HOXD11: variants seen among roughly 807,000 people sequenced by gnomAD.
HOXD11 encodes the protein homeobox D11, also known as homeobox protein Hox-D11.
HOXD11 carries 16 observed loss-of-function variants against 23.1 expected under a neutral mutation model. The observed-to-expected ratio is 0.69, with a 90% CI of 0.47 to 1.05. The LOEUF (loss-of-function observed/expected upper bound fraction) is 1.05. Ranked by LOEUF, HOXD11 falls within the 50% of genes least tolerant of loss-of-function variation. HOXD11 has a pLI of 0.00. For synonymous variants in HOXD11, 262 were observed against 224.4 expected, an observed-to-expected ratio of 1.17 and a Z score of -1.50; for missense variants, 564 against 495.6, an observed-to-expected ratio of 1.14 and a Z score of -1.31.
chr2:176,114,874 C>T, the HOXD11 span, among the ~76,000 whole-genome samples: 1 of 152,258 alleles, frequency 6.6e-6, no homozygotes, highest in Non-Finnish European at 1.5e-5. Context: ...CAGATGCCCT[C>T]CCGGACTGAG....
rs1689603041 is a variant in HOXD11 at position 176,107,738 on chromosome 2, A to G, written c.383A>G (p.Glu128Gly). 8.4e-7 allele frequency: 1 copy of G among 1,184,316 alleles called. No homozygotes were observed. Among genetic ancestry groups the G allele is most frequent in the Non-Finnish European group, 1.0e-6 (1 of 961,994 alleles). The allele number at this position is 1,184,316 out of a possible 1,614,324, so 73.4% of individuals were successfully genotyped here. A position where few individuals can be genotyped will look rare whatever the true frequency, so the allele number is the denominator to read the frequency against. ...AAAEEAAMQRELLPPAGRRPD... is the reference protein window; with the variant it reads ...AAAEEAAMQRGLLPPAGRRPD... ...GCCGAGGAGGCGGCCATGCAACGCG[A>G]GCTTCTCCCGCCCGCGGGCCGCCGG... Residue 128 changes from glutamate to glycine, a missense_variant, in exon 1 of 2, where the codon GAG becomes GGG. Glu to Gly is a moderately conservative substitution (Grantham distance 98). Coordinates refer to ENST00000249504, the MANE Select transcript of HOXD11 (RefSeq NM_021192.3).
downstream of HOXD11, among the ~76,000 whole-genome samples, chr2:176,114,158 G>A (rs1477663663): frequency 6.6e-6 from 1 of 152,232 alleles, no homozygotes; most frequent in Non-Finnish European, 1.5e-5. Context: ...TAGTGTCAGG[G>A]CGCCTGCGGC....
chr2:176,114,684 G>GT (rs2105392041), downstream of HOXD11, among the ~76,000 whole-genome samples: 1 of 152,220 alleles, frequency 6.6e-6, no homozygotes, highest in South Asian at 2.1e-4. Context: ...TTTGGGAAAG[G>GT]TTTTTGTAAA....
rs1689608099 is a variant in HOXD11, at chr2:176,107,949, A to G, written c.594A>G (p.Pro198=). The G allele has an allele frequency of 7.1e-6, 10 of 1,401,308 alleles. No individual in the cohort carries two copies. The highest frequency in any genetic ancestry group is 9.2e-6 in the Non-Finnish European group (10 of 1,081,814). 86.8% of individuals were successfully genotyped at this position (1,401,308 alleles called of 1,614,324 possible). ...TCGCCGGGCCGCAGCCCCCGCCGCC[A>G]CCCGCGCCGCCACAGCCCGAGGGCG... ...PPFAGPQPPP[P]PAPPQPEGAA... The change falls in exon 1 of 2, where the codon CCA becomes CCG. Residue 198 remains proline, a synonymous_variant. Coordinates refer to ENST00000249504, the MANE Select transcript of HOXD11 (RefSeq NM_021192.3).
downstream of HOXD11, among the ~76,000 whole-genome samples, chr2:176,114,703 C>G (rs538568398): frequency 6.6e-6 from 1 of 152,140 alleles, no homozygotes; most frequent in Admixed American, 6.5e-5. Context: ...AAGGAGCGGG[C>G]GGGCTACTAG....
downstream of HOXD11, among the ~76,000 whole-genome samples, chr2:176,110,365 G>C (rs942057462): frequency 3.9e-5 from 6 of 152,192 alleles, no homozygotes; most frequent in African/African-American, 1.4e-4. Flanking sequence ...TACACCTTCT[G>C]GTGGGCCCAA....
chr2:176,112,670 G>A (rs1384475131), downstream of HOXD11, among the ~76,000 whole-genome samples: 1 of 152,236 alleles, frequency 6.6e-6, no homozygotes, highest in African/African-American at 2.4e-5. Flanking sequence ...AGGCTGAACG[G>A]GGTCCTCGGT....
Position 176,107,776 on chromosome 2 carries a change from T to G in HOXD11, c.421T>G (p.Phe141Val), listed in dbSNP as rs1689603578. The G allele has an allele frequency of 7.6e-7, 1 of 1,307,698 alleles. No individual in the cohort carries two copies. The highest frequency in any genetic ancestry group is 3.4e-5 in the East Asian group (1 of 29,520). 81.0% of individuals were successfully genotyped at this position (1,307,698 alleles called of 1,614,324 possible). The change falls in exon 1 of 2, where the codon TTC (phenylalanine) becomes GTC (valine). Residue 141 changes from phenylalanine (F) to valine (V), a missense_variant. Transcript: ENST00000249504. ...PPAGRRPDVL[F>V]KAPEPVCAAP... ...CGCGGGCCGCCGGCCGGACGTGCTC[T>G]TCAAGGCGCCTGAGCCGGTGTGCGC...
At chr2:176,108,659 C>CTGTGTGTGTGTGTG (rs56323681) in intron 1 of HOXD11, 321 of 326,026 alleles carry the variant, frequency 9.8e-4, no homozygotes, top group African/African-American at 2.0e-3. Flanking sequence ...GTGCCAGGCT[C>CTGTGTGTGTGTGTG]TGTGTGTGTG....
At chr2:176,108,186 G>GC (rs928647502) in intron 1 of HOXD11, 50 bp downstream of exon 1, 5 of 692,068 alleles carry the variant, frequency 7.2e-6, no homozygotes, top group Admixed American at 9.4e-5. Context: ...CGCGGGGGAG[G>GC]GGGGGGGGGC....
chr2:176,109,202 GCTCTC>G lies in HOXD11; in HGVS notation c.*62_*66del. ...CACCCACCCTCCTTCCCACCAGCCTGCTCTCCGCAGGCCCACTGTCCTTGGGTTTA... is the reference window on the plus strand; with the variant it reads ...CACCCACCCTCCTTCCCACCAGCCTGCGCAGGCCCACTGTCCTTGGGTTTA... On this transcript the variant is annotated 3_prime_UTR_variant, in exon 2 of 2. Coordinates refer to ENST00000249504, the MANE Select transcript of HOXD11 (RefSeq NM_021192.3). The G allele has an allele frequency of 1.0e-6, 1 of 995,808 alleles. No individual in the cohort carries two copies. The highest frequency in any genetic ancestry group is 1.6e-6 in the Non-Finnish European group (1 of 626,490). 61.7% of individuals were successfully genotyped at this position (995,808 alleles called of 1,614,324 possible). A position where few individuals can be genotyped will look rare whatever the true frequency, so the allele number is the denominator to read the frequency against.
At position 176,107,454 on chromosome 2, in the gene HOXD11, G is replaced by C. The variant is rs1160074946; in HGVS notation, c.99G>C (p.Ser33=). The stretch of plus-strand genomic sequence containing the variant: ...CGTCTGACTTCGCTAGCAAGCCTTC[G>C]TTCCTTTCCCAACCGTCGTCCTGCC... ...VAPSDFASKP[S]FLSQPSSCQM... is the part of the protein sequence containing the mutation. The change falls in exon 1 of 2, where the codon TCG becomes TCC. Residue 33 remains serine (S), a synonymous_variant. Transcript: ENST00000249504. 1.2e-6 allele frequency: 2 copies of C among 1,613,964 alleles called. No individual in the cohort carries two copies. Among genetic ancestry groups the C allele is most frequent in the Non-Finnish European group, 1.7e-6 (2 of 1,179,928 alleles).
downstream of HOXD11, chr2:176,111,413 A>C (rs1689670280): frequency 6.6e-6 from 1 of 151,936 alleles, no homozygotes; most frequent in African/African-American, 2.4e-5. Context: ...GGGCGCGCTC[A>C]CGTTCCAGAA....
downstream of HOXD11, among the ~76,000 whole-genome samples, chr2:176,110,533 T>G (rs1689659272): frequency 6.6e-6 from 1 of 152,228 alleles, no homozygotes; most frequent in African/African-American, 2.4e-5. Flanking sequence ...CAAGGAGTCA[T>G]GCACTTCAAA....
chr2:176,111,843 A>AAAAAAAAAAAAAAAAAAAAAAAAAAC (rs1559115548), downstream of HOXD11, among the ~76,000 whole-genome samples: 6 of 148,096 alleles, frequency 4.1e-5, 1 homozygote, highest in African/African-American at 1.5e-4. Flanking sequence ...AAAAAAAAAA[A>AAAAAAAAAAAAAAAAAAAAAAAAAAC]AAAAAACCTT....
At chr2:176,114,725 T>C (rs1559116463), downstream of HOXD11, among the ~76,000 whole-genome samples, 1 of 152,210 alleles carries the variant, frequency 6.6e-6, no homozygotes. Flanking sequence ...TCCCCCAGAA[T>C]GCTGAGGCGC....
At chr2:176,113,255 C>A (rs1039265825), downstream of HOXD11, among the ~76,000 whole-genome samples, 1 of 152,158 alleles carries the variant, frequency 6.6e-6, no homozygotes, top group Non-Finnish European at 1.5e-5. Context: ...CCGGGGTGAC[C>A]CTAAGAGCCC....
rs1689629507 is a variant in HOXD11 at position 176,108,847 on chromosome 2, G to A, written c.782-60G>A. The A allele has an allele frequency of 5.8e-6, 7 of 1,209,094 alleles. No individual in the cohort carries two copies. The South Asian group carries it at 8.6e-5, about 15-fold the overall frequency. 74.9% of individuals were successfully genotyped at this position (1,209,094 alleles called of 1,614,324 possible). Reference sequence around the variant, plus strand: ...CCCTCGCTCAGTGGCCCGGGCGGGCGGGCGGGTGGGGGCTGTCAGGCAGCG... The same window carrying A: ...CCCTCGCTCAGTGGCCCGGGCGGGCAGGCGGGTGGGGGCTGTCAGGCAGCG... On this transcript the variant is annotated intron_variant, in intron 1 of 1. Transcript: ENST00000249504.
Position 176,108,028 on chromosome 2 carries a change from T to C in HOXD11, c.673T>C (p.Cys225Arg). Residue 225 changes from cysteine to arginine, a missense_variant, in exon 1 of 2, where the codon TGC becomes CGC. Physicochemically the swap from Cys to Arg is radical, Grantham distance 180. Coordinates refer to ENST00000249504, the MANE Select transcript of HOXD11 (RefSeq NM_021192.3). ...TGAGGGGGSP[C>R]TKATPGSEPK... ...GGCTGGTGGCGGCGGGGGCAGTCCC[T>C]GCACCAAGGCGACCCCTGGCTCGGA... The C allele has an allele frequency of 6.7e-7, 1 of 1,492,592 alleles. No homozygotes were observed. Among genetic ancestry groups the C allele is most frequent in the Non-Finnish European group, 8.9e-7 (1 of 1,126,910 alleles). 92.5% of individuals were successfully genotyped at this position (1,492,592 alleles called of 1,614,324 possible). A position where few individuals can be genotyped will look rare whatever the true frequency, so the allele number is the denominator to read the frequency against.
Sources: allele counts gnomAD v4.1 joint callset (sites outside exome capture counted in the v4.1 genomes callset), GRCh38; gene constraint gnomAD v4.1.1; transcripts MANE v1.5; gene names NCBI Gene and HGNC (gene_info 2026-07-23, HGNC 2026-07-21).